Variants in GTF3C5 observed in about 807,000 individuals in gnomAD.
GTF3C5 encodes the protein general transcription factor 3C polypeptide 5.
A neutral mutation model predicts 61.0 loss-of-function variants in GTF3C5; 47 were observed. The observed-to-expected ratio is 0.77, with a 90% confidence interval of 0.61 to 0.98. The LOEUF (loss-of-function observed/expected upper bound fraction) is 0.98, where lower values mean the gene tolerates loss of function less well. Among genes scored for constraint, GTF3C5 ranks in the 50% least tolerant of loss-of-function variants. The pLI is 0.00. For missense variants in GTF3C5, 659 were observed against 703.3 expected (o/e 0.94, Z 0.71); for synonymous variants, 295 against 275.4 (o/e 1.07, Z -0.71).
chr9:133,050,634 CTG>C, intron 3 of GTF3C5, 147 bp from the exon 4 acceptor site: 1 of 595,210 alleles, frequency 1.7e-6, no homozygotes, highest in Non-Finnish European at 3.0e-6. Flanking sequence ...GCAGCCAACT[CTG>C]GGGTCCTTTC....
intron 1 of GTF3C5, among the ~76,000 whole-genome samples, chr9:133,036,150 G>A (rs1425755464): frequency 6.6e-6 from 1 of 152,182 alleles, no homozygotes; most frequent in South Asian, 2.1e-4. Flanking sequence ...GTGCTGCCCT[G>A]TTTGAAAGGG....
upstream of GTF3C5, chr9:133,030,764 G>C (rs1849701270): frequency 1.7e-6 from 1 of 604,122 alleles, no homozygotes; most frequent in African/African-American, 1.9e-5. Flanking sequence ...TGCTTGCCCC[G>C]CCCGGTGGAC....
chr9:133,046,310 A>G (rs1309420246), intron 3 of GTF3C5, among the ~76,000 whole-genome samples: 1 of 152,204 alleles, frequency 6.6e-6, no homozygotes, highest in Non-Finnish European at 1.5e-5. Context: ...AGCCTGGGTG[A>G]CAGAACAAAA....
At chr9:133,048,739 T>C (rs1850282251) in intron 3 of GTF3C5, among the ~76,000 whole-genome samples, 1 of 152,224 alleles carries the variant, frequency 6.6e-6, no homozygotes, top group Non-Finnish European at 1.5e-5. Flanking sequence ...TCTGAGTTAC[T>C]GCTCTGCCCT....
chr9:133,056,822 A>T lies in GTF3C5; in HGVS notation c.1307A>T (p.Asp436Val). 6.2e-7 allele frequency: 1 copy of T among 1,612,216 alleles called. No homozygotes were observed. The highest frequency in any genetic ancestry group is 1.1e-5 in the South Asian group (1 of 90,724). ...DGAENSCTER[D>V]GWCLPKTSDE... ...GCAGAGAATTCCTGCACAGAACGGG[A>T]TGGGTGGTGCCTCCCCAAGACCAGC... Residue 436 changes from aspartate to valine, a missense_variant, in exon 10 of 11, where the codon GAT becomes GTT. By Grantham distance (152) the Asp-to-Val change is radical. Coordinates refer to ENST00000372097, the MANE Select transcript of GTF3C5 (RefSeq NM_012087.4).
intron 3 of GTF3C5, among the ~76,000 whole-genome samples, chr9:133,048,310 C>T (rs1850263829): frequency 6.6e-6 from 1 of 152,178 alleles, no homozygotes; most frequent in Admixed American, 6.5e-5. Context: ...TCCTGGCTAA[C>T]ACAGTGAAAC....
At position 133,050,926 on chromosome 9, in the gene GTF3C5, G is replaced by A; in HGVS notation, c.716G>A (p.Arg239Lys). ...CTGGAGGCTGCAGCCCAGACGTGGAGGAGAGTCTGCACTAACCCCGTGGAC... is the reference window on the plus strand; with the variant it reads ...CTGGAGGCTGCAGCCCAGACGTGGAAGAGAGTCTGCACTAACCCCGTGGAC... The part of the protein sequence containing the change: ...QPLEAAAQTW[R>K]RVCTNPVDRK... Residue 239 changes from arginine (R) to lysine (K), a missense_variant, in exon 4 of 11, where the codon AGG becomes AAG. Transcript: ENST00000372097. 2.5e-6 allele frequency: 4 copies of A among 1,613,864 alleles called. No homozygotes were observed. The highest frequency in any genetic ancestry group is 2.5e-6 in the Non-Finnish European group (3 of 1,179,912).
rs183530428 is a variant in GTF3C5, at chr9:133,055,080, G to A, written c.1167+271G>A. On this transcript the variant is annotated intron_variant, in intron 8 of 10. Transcript: ENST00000372097. ...GCAGCTGCATGTGGTTGTCCTTCTCGAGCCCTTTGGGAGCCTGGGCCCCCA... is the reference window on the plus strand; with the variant it reads ...GCAGCTGCATGTGGTTGTCCTTCTCAAGCCCTTTGGGAGCCTGGGCCCCCA... The A allele has an allele frequency of 5.4e-3, 8,375 of 1,550,970 alleles. 146 individuals are homozygous for A. The highest frequency in any genetic ancestry group is 0.045 in the South Asian group (3,805 of 83,634).
Position 133,056,793 on chromosome 9 carries a change from C to CGG in GTF3C5, c.1281_1282dup (p.Ala428GlyfsTer28). The CGG allele has an allele frequency of 2.5e-6, 4 of 1,608,560 alleles. No homozygotes were observed. Among genetic ancestry groups the CGG allele is most frequent in the Non-Finnish European group, 2.5e-6 (3 of 1,177,348 alleles). ...TGCAGAAGATCATTCACCGCAATGA[C>CGG]GGGGCAGAGAATTCCTGCACAGAAC... On this transcript the variant is annotated frameshift_variant, in exon 10 of 11. Coordinates refer to ENST00000372097, the MANE Select transcript of GTF3C5 (RefSeq NM_012087.4). LOFTEE classifies it high-confidence loss of function.
At chr9:133,039,181 T>C (rs1375528562) in intron 1 of GTF3C5, among the ~76,000 whole-genome samples, 1 of 152,226 alleles carries the variant, frequency 6.6e-6, no homozygotes, top group Non-Finnish European at 1.5e-5. Context: ...AAGTTTTCCC[T>C]GATTGCCCTA....
rs1849719777 is a variant in GTF3C5 at position 133,031,147 on chromosome 9, G to A, written c.136G>A (p.Glu46Lys). The A allele has an allele frequency of 1.3e-6, 2 of 1,583,280 alleles. No homozygotes were observed. Among genetic ancestry groups the A allele is most frequent in the African/African-American group, 1.3e-5 (1 of 74,202 alleles). Residue 46 changes from glutamate to lysine, a missense_variant, in exon 1 of 11, where the codon GAG (glutamate) becomes AAG (lysine). By Grantham distance (56) the Glu-to-Lys change is moderately conservative. Transcript: ENST00000372097. ...TAAGATGCTGCCGACTCTGGGCGGC[G>A]AGGAAGGCGTCTCCCGGGTAAGGGG... ...VAKMLPTLGGEEGVSRIYADP... is the reference protein window; with the variant it reads ...VAKMLPTLGGKEGVSRIYADP...
intron 4 of GTF3C5, among the ~76,000 whole-genome samples, chr9:133,051,594 GC>G (rs1210436962): frequency 2.0e-5 from 3 of 152,160 alleles, no homozygotes; most frequent in Non-Finnish European, 4.4e-5. Context: ...GGCTCGTGAG[GC>G]CCGCTGCCCC....
intron 10 of GTF3C5, among the ~76,000 whole-genome samples, chr9:133,057,496 T>G (rs1309786797): frequency 6.6e-6 from 1 of 152,172 alleles, no homozygotes; most frequent in Non-Finnish European, 1.5e-5. Flanking sequence ...TTGGTCTTGC[T>G]TGGAACCCAG....
chr9:133,055,267 C>T, intron 8 of GTF3C5: 1 of 1,448,722 alleles, frequency 6.9e-7, no homozygotes, highest in Non-Finnish European at 9.2e-7. Flanking sequence ...AGAGCTGTTC[C>T]CACATTCAGG....
intron 8 of GTF3C5, chr9:133,055,430 C>T (rs751290507): frequency 9.3e-5 from 116 of 1,245,506 alleles, no homozygotes; most frequent in Non-Finnish European, 1.1e-4. Context: ...GGGGCCCTGC[C>T]TATTTTCTAG....
intron 4 of GTF3C5, among the ~76,000 whole-genome samples, chr9:133,051,385 G>A (rs1850369836): frequency 6.6e-6 from 1 of 152,144 alleles, no homozygotes; most frequent in Non-Finnish European, 1.5e-5. Flanking sequence ...GGGCTTGCGG[G>A]TGCCGTGGAG....
rs368262471 is a variant in GTF3C5, at chr9:133,054,934, T to C, written c.1167+125T>C. The C allele has an allele frequency of 1.5e-3, 2,273 of 1,549,556 alleles. 26 individuals carry two copies. The South Asian group carries it at 0.017, about 12-fold the overall frequency. ...GCCCACCGGGGCCTCGGCACCTTGCTTCCTTTTAGGTCAGCCTTCAGACAC... is the reference window on the plus strand; with the variant it reads ...GCCCACCGGGGCCTCGGCACCTTGCCTCCTTTTAGGTCAGCCTTCAGACAC... On this transcript the variant is annotated intron_variant, in intron 8 of 10. Transcript: ENST00000372097.
At chr9:133,042,664 C>T (rs1341295371) in intron 2 of GTF3C5, among the ~76,000 whole-genome samples, 1 of 152,244 alleles carries the variant, frequency 6.6e-6, no homozygotes, top group East Asian at 1.9e-4. Flanking sequence ...GTTGGTCTTG[C>T]CCTCCTAGCT....
chr9:133,030,912 T>A, upstream of GTF3C5: 1 of 1,364,644 alleles, frequency 7.3e-7, no homozygotes, highest in Non-Finnish European at 1.0e-6. Context: ...ACGCGAGCGG[T>A]GAGGGAGCCC....
Sources: gnomAD v4.1 joint callset for allele counts (sites outside exome capture counted in the v4.1 genomes callset) on GRCh38, gnomAD v4.1.1 for gene constraint, MANE v1.5 for transcripts, NCBI Gene and HGNC (gene_info 2026-07-23, HGNC 2026-07-21) for gene names.